Variants in SASH1 observed in about 807,000 individuals in gnomAD.
The protein encoded by SASH1 is SAM and SH3 domain-containing protein 1.
SASH1 carries 44 observed loss-of-function variants against 125.2 expected under a neutral mutation model. The observed-to-expected ratio is 0.35, with a 90% CI of 0.28 to 0.45. SASH1 has a LOEUF of 0.45. Ranked by LOEUF, SASH1 falls within the 20% of genes least tolerant of loss-of-function variation. The pLI, the probability that SASH1 is intolerant of heterozygous loss-of-function variation, is 1.00. For synonymous variants in SASH1, 639 were observed against 649.1 expected, an observed-to-expected ratio of 0.98 and a Z score of 0.24; for missense variants, 1,426 against 1,614.5, an observed-to-expected ratio of 0.88 and a Z score of 2.00.
At chr6:148,432,255 G>A (rs1483887992) in intron 2 of SASH1, among the ~76,000 whole-genome samples, 3 of 152,278 alleles carry the variant, frequency 2.0e-5, no homozygotes, top group East Asian at 1.9e-4. Context: ...GATTATAGGC[G>A]TGAGCCCCCA....
intron 18 of SASH1, among the ~76,000 whole-genome samples, chr6:148,545,679 A>G (rs191169545): frequency 6.6e-6 from 1 of 152,390 alleles, no homozygotes; most frequent in Non-Finnish European, 1.5e-5. Context: ...ACTATGCTTC[A>G]GAACATTTTC....
chr6:148,255,865 C>T, the SASH1 span, among the ~76,000 whole-genome samples: 5 of 152,138 alleles, frequency 3.3e-5, no homozygotes, highest in Non-Finnish European at 7.4e-5. Flanking sequence ...TAATCTCGAA[C>T]TCCTGGACTC....
chr6:148,248,096 T>C, the SASH1 span, among the ~76,000 whole-genome samples: 1 of 152,236 alleles, frequency 6.6e-6, no homozygotes, highest in African/African-American at 2.4e-5. Flanking sequence ...ATGCTAACAA[T>C]TCATACAAGT....
intron 1 of SASH1, among the ~76,000 whole-genome samples, chr6:148,334,132 G>T (rs1444113986): frequency 1.6e-5 from 1 of 64,250 alleles, no homozygotes; most frequent in Non-Finnish European, 3.0e-5. Context: ...TATTTTAAGA[G>T]ATAATAGCAG....
chr6:148,440,132 C>A, intron 2 of SASH1, 52 bp from the exon 3 acceptor site: 1 of 1,551,974 alleles, frequency 6.4e-7, no homozygotes, highest in Non-Finnish European at 8.9e-7. Context: ...TTGTCTTTCT[C>A]GCGTGTGACA....
intron 1 of SASH1, among the ~76,000 whole-genome samples, chr6:148,331,146 A>G (rs527962661): frequency 6.6e-6 from 1 of 152,304 alleles, no homozygotes; most frequent in South Asian, 2.1e-4. Flanking sequence ...CCTCATGGGC[A>G]TCTGTATAGA....
intron 1 of SASH1, among the ~76,000 whole-genome samples, chr6:148,383,638 A>G (rs9942495): frequency 0.02 from 3,100 of 151,948 alleles, 51 homozygotes; most frequent in African/African-American, 0.026. Context: ...TTTTCTTTTT[A>G]TTTTTTTCCT....
intron 12 of SASH1, among the ~76,000 whole-genome samples, chr6:148,531,163 A>C (rs924868263): frequency 6.6e-6 from 1 of 152,140 alleles, no homozygotes; most frequent in Non-Finnish European, 1.5e-5. Context: ...TCTAGTAATC[A>C]TGGATTGTAC....
chr6:148,381,993 A>G (rs1173867608), intron 1 of SASH1, among the ~76,000 whole-genome samples: 12 of 152,054 alleles, frequency 7.9e-5, no homozygotes, highest in Non-Finnish European at 2.9e-5. Flanking sequence ...GCAAGTCTCA[A>G]ATGTTTAAAT....
the SASH1 span, among the ~76,000 whole-genome samples, chr6:148,222,551 G>C: frequency 6.6e-6 from 1 of 152,052 alleles, no homozygotes; most frequent in Non-Finnish European, 1.5e-5. Context: ...ATAAGCCTCT[G>C]ACTTCCAGAA....
At chr6:148,526,541 G>A (rs568948849) in intron 11 of SASH1, among the ~76,000 whole-genome samples, 28 of 152,228 alleles carry the variant, frequency 1.8e-4, no homozygotes, top group African/African-American at 6.0e-4. Context: ...TTTGGCTATC[G>A]AATTATATTG....
chr6:148,384,543 C>T (rs183091688), intron 1 of SASH1, among the ~76,000 whole-genome samples: 63 of 152,086 alleles, frequency 4.1e-4, no homozygotes, highest in Admixed American at 1.2e-3. Flanking sequence ...TTTGTGTTTC[C>T]GTAAAGATGG....
intron 1 of SASH1, among the ~76,000 whole-genome samples, chr6:148,371,677 A>C (rs1782711221): frequency 6.6e-6 from 1 of 152,032 alleles, no homozygotes; most frequent in Non-Finnish European, 1.5e-5. Context: ...GGTCAGAGCC[A>C]GGATGTCCTC....
chr6:148,422,928 TTTTGTTTG>T (rs539105266), intron 2 of SASH1, among the ~76,000 whole-genome samples: 154 of 152,196 alleles, frequency 1.0e-3, no homozygotes, highest in African/African-American at 3.4e-3. Context: ...GTGTGTGGTT[TTTTGTTTG>T]TTTGTTTGTT....
intron 8 of SASH1, among the ~76,000 whole-genome samples, chr6:148,498,242 A>AC (rs1562459843): frequency 2.6e-5 from 4 of 151,662 alleles, no homozygotes; most frequent in Non-Finnish European, 4.4e-5. Flanking sequence ...AACAAAAAAA[A>AC]AAAAACAAAA....
chr6:148,435,191 A>G lies in SASH1; in HGVS notation c.286-4993A>G, dbSNP rs370285562. 6.6e-5 allele frequency among the ~76,000 whole-genome samples: 10 copies of G among 152,256 alleles called. No homozygotes were observed. In the East Asian group the frequency reaches 1.5e-3, roughly 24 times the overall value. ...GTCTGGCCAAGAGACCAGCCTGGCC[A>G]ATATGGTGAAACCCCATCTCTACTA... On this transcript the variant is annotated intron_variant, in intron 2 of 19. Coordinates refer to ENST00000367467, the MANE Select transcript of SASH1 (RefSeq NM_015278.5).
At chr6:148,477,075 T>G (rs1778396517) in intron 7 of SASH1, among the ~76,000 whole-genome samples, 1 of 152,146 alleles carries the variant, frequency 6.6e-6, no homozygotes, top group South Asian at 2.1e-4. Context: ...CAAAATGGAT[T>G]AAAAACAAAT....
rs573665906 is a variant in SASH1 at position 148,330,447 on chromosome 6, A to C, written n.74+58070A>C. Among the ~76,000 whole-genome samples, 10 of 152,366 alleles carry C rather than the reference A, an allele frequency of 6.6e-5. No homozygotes were observed. The South Asian group carries it at 2.1e-3, about 32-fold the overall frequency. ...AGCCAAGTGGACATTCTCATAGGGT[A>C]AAGTTTATTAGAAGACAAGATTGAT... On this transcript the variant is annotated intron_variant and non_coding_transcript_variant, in intron 1 of 3. Transcript: ENST00000367469.
chr6:148,496,913 A>C (rs1365300301), intron 8 of SASH1, among the ~76,000 whole-genome samples: 1 of 152,124 alleles, frequency 6.6e-6, no homozygotes, highest in Non-Finnish European at 1.5e-5. Context: ...TAAAAATATA[A>C]AATAATGTAT....
Sources: allele counts gnomAD v4.1 joint callset (sites outside exome capture counted in the v4.1 genomes callset), GRCh38; gene constraint gnomAD v4.1.1; transcripts MANE v1.5; gene names NCBI Gene and HGNC (gene_info 2026-07-23, HGNC 2026-07-21).